The following ICE2 variants were observed in gnomAD, a reference collection of about 807,000 sequenced individuals.
ICE2 encodes the protein interactor of little elongation complex ELL subunit 2, also known as little elongation complex subunit 2.
A neutral mutation model predicts 105.4 loss-of-function variants in ICE2; 87 were observed. That is an observed-to-expected ratio of 0.83 (90% CI 0.69 to 0.99). ICE2 has a LOEUF of 0.99. Among genes scored for constraint, ICE2 ranks in the 50% least tolerant of loss-of-function variants. The pLI, the probability that ICE2 is intolerant of heterozygous loss-of-function variation, is 0.00. For synonymous variants in ICE2, 399 were observed against 392.0 expected, an observed-to-expected ratio of 1.02 and a Z score of -0.21; for missense variants, 1,323 against 1,146.7, an observed-to-expected ratio of 1.15 and a Z score of -2.22.
intron 15 of ICE2, among the ~76,000 whole-genome samples, chr15:60,427,805 C>T (rs2063369804): frequency 6.6e-6 from 1 of 152,174 alleles, no homozygotes. Flanking sequence ...ATAACTCTAG[C>T]TATGGGTTTA....
intron 6 of ICE2, 58 bp from the exon 7 acceptor site, chr15:60,455,500 A>T: frequency 9.1e-7 from 1 of 1,104,582 alleles, no homozygotes; most frequent in Non-Finnish European, 1.4e-6. Context: ...TTTTCTAAGA[A>T]AAGTATCTTT....
Position 60,423,529 on chromosome 15 carries a change from C to T in ICE2, c.*105G>A, listed in dbSNP as rs576310419. The T allele has an allele frequency of 7.8e-5, 84 of 1,082,744 alleles. No homozygotes were observed. The African/African-American group carries it at 1.2e-3, about 15-fold the overall frequency. 67.1% of individuals were successfully genotyped at this position (1,082,744 alleles called of 1,614,324 possible). A position where few individuals can be genotyped will look rare whatever the true frequency, so the allele number is the denominator to read the frequency against. On this transcript the variant is annotated 3_prime_UTR_variant, in exon 16 of 16. Coordinates refer to ENST00000261520, the MANE Select transcript of ICE2 (RefSeq NM_024611.6). Reference sequence around the variant, plus strand: ...TTTTTTCAAGGCACTCTAGCTACTACAGGAAAAATGTTCCTCTTGCCTACT... The same window carrying T: ...TTTTTTCAAGGCACTCTAGCTACTATAGGAAAAATGTTCCTCTTGCCTACT...
intron 9 of ICE2, chr15:60,452,389 CT>C: frequency 2.3e-6 from 1 of 434,322 alleles, no homozygotes; most frequent in African/African-American, 2.1e-5. Flanking sequence ...TCAGAAAAAC[CT>C]TCTTAATCGT....
chr15:60,454,867 CCT>C (rs904131173), intron 8 of ICE2, 134 bp downstream of exon 8: 103 of 714,164 alleles, frequency 1.4e-4, no homozygotes, highest in African/African-American at 2.8e-4. Flanking sequence ...CCCCCCACCC[CCT>C]GACAGGCCCC....
At chr15:60,452,033 T>G in intron 9 of ICE2, 2 of 951,780 alleles carry the variant, frequency 2.1e-6, no homozygotes, top group Non-Finnish European at 2.5e-6. Flanking sequence ...CCAAATTACC[T>G]GGTCTACCAT....
At chr15:60,428,253 C>T (rs1405712705) in intron 15 of ICE2, among the ~76,000 whole-genome samples, 176 bp downstream of exon 15, 2 of 152,176 alleles carry the variant, frequency 1.3e-5, no homozygotes, top group South Asian at 2.1e-4. Flanking sequence ...AGTTCCACTA[C>T]CACGAAGACT....
At position 60,474,415 on chromosome 15, in the gene ICE2, C is replaced by G. The variant is rs78705741; in HGVS notation, c.146+1648G>C. Among the ~76,000 whole-genome samples the G allele has an allele frequency of 5.1e-3, 775 of 152,020 alleles. 1 individual carries two copies. The highest frequency in any genetic ancestry group is 0.017 in the Middle Eastern group (5 of 294). ...CTCACTGTTTCTAACAGTAAAGGAA[C>G]GGAAACAAGCTAAATATCAACAGAG... On this transcript the variant is annotated intron_variant, in intron 3 of 15. Transcript: ENST00000261520.
Position 60,449,340 on chromosome 15 carries a change from T to C in ICE2, c.1627A>G (p.Asn543Asp). Residue 543 changes from asparagine to aspartate, a missense_variant, in exon 10 of 16, where the codon AAT becomes GAT. By Grantham distance (23) the Asn-to-Asp change is conservative (BLOSUM62 1). Coordinates refer to ENST00000261520, the MANE Select transcript of ICE2 (RefSeq NM_024611.6). ...DILHADGERP[N>D]VLENLDNSKE... ...GAGTTGTCTAGGTTTTCTAGAACAT[T>C]AGGTCTTTCACCATCAGCATGTAAT... 1 of 1,613,330 alleles carries C rather than the reference T, an allele frequency of 6.2e-7. No individual in the cohort carries two copies. The highest frequency in any genetic ancestry group is 8.5e-7 in the Non-Finnish European group (1 of 1,179,996).
intron 11 of ICE2, among the ~76,000 whole-genome samples, chr15:60,443,273 C>A (rs1239826142): frequency 1.3e-5 from 2 of 152,192 alleles, no homozygotes; most frequent in African/African-American, 4.8e-5. Flanking sequence ...CTACTCTTAA[C>A]AGGAGTCTAT....
chr15:60,468,629 C>T (rs67255518), intron 3 of ICE2, among the ~76,000 whole-genome samples: 15,720 of 152,156 alleles, frequency 0.1, 943 homozygotes, highest in Middle Eastern at 0.21. Context: ...GCCAATTACA[C>T]ATGCAGGTAC....
chr15:60,465,697 A>AAT (rs57365986), intron 5 of ICE2, among the ~76,000 whole-genome samples: 146,940 of 150,570 alleles, frequency 0.98, 71,787 homozygotes, highest in East Asian at 1. Context: ...CTCTACTACA[A>AAT]ATATGTGTGT....
intron 13 of ICE2, among the ~76,000 whole-genome samples, chr15:60,433,286 A>T (rs2063503491): frequency 6.6e-6 from 1 of 151,624 alleles, no homozygotes; most frequent in South Asian, 2.1e-4. Context: ...ATGGGGTTTC[A>T]CCGTGTTAGC....
chr15:60,468,159 C>G lies in ICE2; in HGVS notation c.310G>C (p.Glu104Gln), dbSNP rs1354062873. 1 of 1,614,086 alleles carries G rather than the reference C, an allele frequency of 6.2e-7. No homozygotes were observed. Among genetic ancestry groups the G allele is most frequent in the Non-Finnish European group, 8.5e-7 (1 of 1,179,996 alleles). The change falls in exon 4 of 16, where the codon GAG becomes CAG. Residue 104 changes from glutamate to glutamine, a missense_variant. Coordinates refer to ENST00000261520, the MANE Select transcript of ICE2 (RefSeq NM_024611.6). ...AACAAGTCCACATAACTCCTCTGCT[C>G]TCTCTGTGAGAAACGAGAGAAACGA... Reference protein sequence around the residue: ...YPRFSRFSQREQRSYVDLLVK... With the variant: ...YPRFSRFSQRQQRSYVDLLVK...
Position 60,426,031 on chromosome 15 carries a change from C to T in ICE2, c.2821-2269G>A, listed in dbSNP as rs140618152. 4.5e-4 allele frequency among the ~76,000 whole-genome samples: 68 copies of T among 152,228 alleles called. 1 individual carries two copies. In the East Asian group the frequency reaches 0.013, roughly 29 times the overall value. On this transcript the variant is annotated intron_variant, in intron 15 of 15. Coordinates refer to ENST00000261520, the MANE Select transcript of ICE2 (RefSeq NM_024611.6). ...ATGCTGGGCTCTACAACAACCTGGG[C>T]CTGGATAATCTCGTTAAGTATTTGT...
Position 60,449,192 on chromosome 15 carries a change from G to A in ICE2, c.1775C>T (p.Thr592Ile). ...TECKNNSDGK[T>I]AVVGSNLSSR... ...ACTTAAGTTAGAACCCACAACAGCT[G>A]TCTTTCCATCACTATTATTTTTACA... is the stretch of plus-strand genomic sequence containing the variant. The change falls in exon 10 of 16, where the codon ACA becomes ATA. Residue 592 changes from threonine to isoleucine, a missense_variant. Thr to Ile is a moderately conservative substitution (Grantham distance 89, BLOSUM62 -1). Coordinates refer to ENST00000261520, the MANE Select transcript of ICE2 (RefSeq NM_024611.6). 6.2e-7 allele frequency: 1 copy of A among 1,614,026 alleles called. No individual in the cohort carries two copies. The highest frequency in any genetic ancestry group is 8.5e-7 in the Non-Finnish European group (1 of 1,179,942).
At chr15:60,448,204 G>C in intron 10 of ICE2, 59 bp from the exon 11 acceptor site, 1 of 1,073,678 alleles carries the variant, frequency 9.3e-7, no homozygotes, top group Non-Finnish European at 1.3e-6. Flanking sequence ...TCATAAGCAA[G>C]GATACAACAA....
chr15:60,442,300 T>C (rs1324926864), intron 12 of ICE2, 116 bp downstream of exon 12: 1 of 940,502 alleles, frequency 1.1e-6, no homozygotes, highest in Admixed American at 2.9e-5. Context: ...AACTAATAAA[T>C]ACATAAATAA....
rs767071347 is a variant in ICE2 at position 60,436,137 on chromosome 15, TCTTA to T, written c.2510+2_2510+5del. On this transcript the variant is annotated splice_donor_variant and splice_donor_5th_base_variant and intron_variant, in intron 13 of 15. Coordinates refer to ENST00000261520, the MANE Select transcript of ICE2 (RefSeq NM_024611.6). LOFTEE classifies it high-confidence loss of function. The stretch of plus-strand genomic sequence containing the variant: ...TCAATTCTCACCACAAAGTAAACTT[TCTTA>T]CTTGAGTGCTGAAAGCTTTTCTTTT... 9.3e-6 allele frequency: 12 copies of T among 1,294,500 alleles called. No individual in the cohort carries two copies. Among genetic ancestry groups the T allele is most frequent in the Middle Eastern group, 1.9e-4 (1 of 5,230 alleles). 80.2% of individuals were successfully genotyped at this position (1,294,500 alleles called of 1,614,324 possible).
intron 10 of ICE2, 144 bp downstream of exon 10, chr15:60,448,704 T>G: frequency 1.4e-6 from 1 of 728,510 alleles, no homozygotes; most frequent in Middle Eastern, 2.8e-4. Flanking sequence ...GCTGAAATAC[T>G]GATCAATAGA....
Sources: gnomAD v4.1 joint callset for allele counts (sites outside exome capture counted in the v4.1 genomes callset) on GRCh38, gnomAD v4.1.1 for gene constraint, MANE v1.5 for transcripts, NCBI Gene and HGNC (gene_info 2026-07-23, HGNC 2026-07-21) for gene names.